FHL2: variants seen among roughly 807,000 people sequenced by gnomAD.
FHL2 encodes four and a half LIM domains 2, also known as four and a half LIM domains protein 2.
Under a neutral mutation model 32.7 loss-of-function variants are expected in FHL2, and 20 were observed. The observed-to-expected ratio is 0.61, with a 90% CI of 0.43 to 0.89. The LOEUF (loss-of-function observed/expected upper bound fraction) is 0.89, where lower values mean the gene tolerates loss of function less well. Among genes scored for constraint, FHL2 ranks in the 40% least tolerant of loss-of-function variants. The probability of loss-of-function intolerance (pLI) is 0.00; values close to 1 mark genes in which losing one functional copy is unlikely to be tolerated. For missense variants in FHL2, 311 were observed against 358.6 expected (o/e 0.87, Z 1.07); for synonymous variants, 123 against 128.1 (o/e 0.96, Z 0.27).
chr2:105,371,546 A>ATC (rs10701119), intron 4 of FHL2, among the ~76,000 whole-genome samples: 23,092 of 140,886 alleles, frequency 0.16, 2,108 homozygotes, highest in African/African-American at 0.25. Flanking sequence ...ATCCCTTGAA[A>ATC]TCTCTCTCTC....
upstream of FHL2, chr2:105,399,399 A>G: frequency 6.5e-7 from 1 of 1,536,038 alleles, no homozygotes; most frequent in Non-Finnish European, 8.7e-7. Context: ...GGGAGACTGG[A>G]GAAGCCCCAG....
chr2:105,381,700 GGAA>G, intron 3 of FHL2, among the ~76,000 whole-genome samples: 1 of 152,262 alleles, frequency 6.6e-6, no homozygotes, highest in Middle Eastern at 3.4e-3. Flanking sequence ...TCTTTTAGGA[GGAA>G]ATCCAAATAA....
At chr2:105,364,726 A>G (rs1270495866) in intron 5 of FHL2, among the ~76,000 whole-genome samples, 1 of 152,214 alleles carries the variant, frequency 6.6e-6, no homozygotes, top group African/African-American at 2.4e-5. Flanking sequence ...ACATTTCAGT[A>G]TCATGCAGTA....
chr2:105,405,095 A>C (rs1683586805), intron 1 of FHL2, among the ~76,000 whole-genome samples: 1 of 152,244 alleles, frequency 6.6e-6, no homozygotes, highest in African/African-American at 2.4e-5. Context: ...GGATGGTTTC[A>C]GATGAAAAGT....
At chr2:105,416,075 T>C (rs538945246) in intron 1 of FHL2, among the ~76,000 whole-genome samples, 1 of 152,332 alleles carries the variant, frequency 6.6e-6, no homozygotes, top group African/African-American at 2.4e-5. Context: ...TCTTTAATAT[T>C]ATTAAGAATC....
chr2:105,392,402 G>C (rs1055691701), intron 2 of FHL2, among the ~76,000 whole-genome samples: 4 of 152,130 alleles, frequency 2.6e-5, no homozygotes, highest in African/African-American at 9.7e-5. Context: ...AGCCCAGGAG[G>C]TCGAGGCTGC....
rs566687377 is a variant in FHL2 at position 105,434,577 on chromosome 2, A to C, written c.-25+3822T>G. On this transcript the variant is annotated intron_variant, in intron 1 of 5. Coordinates refer to the FHL2 transcript ENST00000393352. ...AGTGAGACTCCATCTCAAAAAAAAA[A>C]CAAAACAAACAAACAAAAAAAACAA... 1.2e-4 allele frequency among the ~76,000 whole-genome samples: 19 copies of C among 152,110 alleles called. No homozygotes were observed. The South Asian group carries it at 1.7e-3, about 13-fold the overall frequency.
At chr2:105,423,204 A>G (rs1684157942) in intron 1 of FHL2, among the ~76,000 whole-genome samples, 1 of 152,214 alleles carries the variant, frequency 6.6e-6, no homozygotes, top group South Asian at 2.1e-4. Context: ...GAAAAAGCCA[A>G]CAGAGCAATA....
intron 1 of FHL2, among the ~76,000 whole-genome samples, chr2:105,418,980 G>A (rs1380619381): frequency 2.0e-5 from 3 of 152,196 alleles, no homozygotes; most frequent in African/African-American, 4.8e-5. Flanking sequence ...TTTCAGGCAT[G>A]CACTGCAAGT....
chr2:105,379,019 C>T (rs1211529768), intron 3 of FHL2, among the ~76,000 whole-genome samples: 1 of 152,118 alleles, frequency 6.6e-6, no homozygotes, highest in Non-Finnish European at 1.5e-5. Flanking sequence ...GTGGGTCAAG[C>T]GCCCGCCCCT....
chr2:105,421,097 C>A (rs1684091411), intron 1 of FHL2, among the ~76,000 whole-genome samples: 1 of 152,212 alleles, frequency 6.6e-6, no homozygotes. Flanking sequence ...GAGACAGATG[C>A]AGTTTATGGT....
chr2:105,434,186 T>A (rs1401880815), intron 1 of FHL2, among the ~76,000 whole-genome samples: 1 of 152,276 alleles, frequency 6.6e-6, no homozygotes, highest in African/African-American at 2.4e-5. Context: ...CATTCATTTA[T>A]GTCATTCAAA....
intron 1 of FHL2, among the ~76,000 whole-genome samples, chr2:105,406,502 C>T (rs1013919160): frequency 2.9e-5 from 4 of 139,010 alleles, no homozygotes; most frequent in Non-Finnish European, 4.7e-5. Flanking sequence ...AATTCAATTT[C>T]CATTTGGCAC....
chr2:105,408,326 A>C (rs1229970862), intron 1 of FHL2, among the ~76,000 whole-genome samples: 1 of 152,226 alleles, frequency 6.6e-6, no homozygotes, highest in African/African-American at 2.4e-5. Flanking sequence ...TGACTAATAC[A>C]TGCACACCTT....
At position 105,432,291 on chromosome 2, in the gene FHL2, T is replaced by A. The variant is rs151029237; in HGVS notation, c.-25+6108A>T. Among the ~76,000 whole-genome samples the A allele has an allele frequency of 2.3e-3, 355 of 152,274 alleles. 2 individuals carry two copies. The highest frequency in any genetic ancestry group is 8.0e-3 in the African/African-American group (333 of 41,552). On this transcript the variant is annotated intron_variant, in intron 1 of 5. Coordinates refer to the FHL2 transcript ENST00000393352. ...TAGAGAAACAGGGACCTAAAAGGAG[T>A]TTGTCTCATGCACTTTCCACATCTC...
At chr2:105,415,834 C>T (rs2376740) in intron 1 of FHL2, among the ~76,000 whole-genome samples, 54,620 of 152,060 alleles carry the variant, frequency 0.36, 10,413 homozygotes, top group Admixed American at 0.46. Flanking sequence ...TCCTTGGAAC[C>T]GAATGGTACC....
At chr2:105,433,975 T>C (rs996073976) in intron 1 of FHL2, among the ~76,000 whole-genome samples, 1 of 151,294 alleles carries the variant, frequency 6.6e-6, no homozygotes, top group South Asian at 2.1e-4. Context: ...TACCCACCCC[T>C]CAACACATTT....
upstream of FHL2, among the ~76,000 whole-genome samples, chr2:105,401,569 A>G (rs932372108): frequency 9.9e-5 from 15 of 152,218 alleles, no homozygotes; most frequent in African/African-American, 3.6e-4. Context: ...CTCCTGTGTA[A>G]AACGATAGAC....
chr2:105,402,044 C>A (rs1270223658), upstream of FHL2, among the ~76,000 whole-genome samples: 1 of 147,388 alleles, frequency 6.8e-6, no homozygotes, highest in Non-Finnish European at 1.5e-5. Context: ...TATATATATA[C>A]GTATATATAC....
Sources: allele counts gnomAD v4.1 joint callset (sites outside exome capture counted in the v4.1 genomes callset), GRCh38; gene constraint gnomAD v4.1.1; transcripts MANE v1.5; gene names NCBI Gene and HGNC (gene_info 2026-07-23, HGNC 2026-07-21).